CPVL: variants seen among roughly 807,000 people sequenced by gnomAD.
CPVL encodes the protein probable serine carboxypeptidase CPVL.
CPVL carries 51 observed loss-of-function variants against 63.7 expected under a neutral mutation model. That is an observed-to-expected ratio of 0.80 (90% CI 0.64 to 1.01). CPVL has a LOEUF of 1.01. Among genes scored for constraint, CPVL ranks in the 50% least tolerant of loss-of-function variants. The probability of loss-of-function intolerance (pLI) is 0.00; values close to 1 mark genes in which losing one functional copy is unlikely to be tolerated. For missense variants in CPVL, 530 were observed against 573.1 expected (o/e 0.92, Z 0.77); for synonymous variants, 195 against 206.0 (o/e 0.95, Z 0.46).
At position 29,041,875 on chromosome 7, in the gene CPVL, T is replaced by TTA. The variant is rs151056220; in HGVS notation, c.1138-11118_1138-11117dup. On this transcript the variant is annotated intron_variant, in intron 11 of 12. Coordinates refer to ENST00000265394, the MANE Select transcript of CPVL (RefSeq NM_031311.5). ...ATCAATTAAAATTAATATGATGACA[T>TTA]TATATATATATAGTGTTAAGGACAA... is the stretch of plus-strand genomic sequence containing the variant. Among the ~76,000 whole-genome samples, 56 of 151,952 alleles carry TTA rather than the reference T, an allele frequency of 3.7e-4. 1 individual carries two copies. Among genetic ancestry groups the TTA allele is most frequent in the African/African-American group, 1.3e-3 (52 of 41,462 alleles).
At chr7:29,077,342 G>A (rs190079539) in intron 7 of CPVL, among the ~76,000 whole-genome samples, 5 of 152,238 alleles carry the variant, frequency 3.3e-5, no homozygotes, top group Admixed American at 1.3e-4. Flanking sequence ...TCTCTGCCTT[G>A]CTTCTAGGTA....
At chr7:29,116,495 G>A (rs2128635284) in intron 2 of CPVL, among the ~76,000 whole-genome samples, 1 of 152,312 alleles carries the variant, frequency 6.6e-6, no homozygotes, top group East Asian at 1.9e-4. Context: ...TTTCTTTGAA[G>A]TGATTTTACT....
chr7:29,072,182 T>C, intron 8 of CPVL, 119 bp downstream of exon 8: 4 of 1,182,204 alleles, frequency 3.4e-6, no homozygotes, highest in Non-Finnish European at 3.6e-6. Flanking sequence ...ATTTAAGTCA[T>C]AAAGTCAACT....
chr7:29,041,228 T>G, intron 11 of CPVL, among the ~76,000 whole-genome samples: 1 of 149,386 alleles, frequency 6.7e-6, no homozygotes. Context: ...GCCTCCCGGG[T>G]TTACACCTGG....
chr7:29,004,040 T>A (rs538095024), intron 12 of CPVL, among the ~76,000 whole-genome samples: 1 of 152,222 alleles, frequency 6.6e-6, no homozygotes, highest in South Asian at 2.1e-4. Context: ...CTTTTATATC[T>A]GGACAATGGT....
chr7:29,088,713 G>A (rs180755908), intron 6 of CPVL, among the ~76,000 whole-genome samples: 38 of 152,180 alleles, frequency 2.5e-4, no homozygotes, highest in African/African-American at 6.5e-4. Flanking sequence ...ATAAGTGGCC[G>A]GGCGCGGTGG....
At chr7:29,173,150 T>C (rs1426393247) in intron 5 of CPVL, among the ~76,000 whole-genome samples, 8 of 146,216 alleles carry the variant, frequency 5.5e-5, no homozygotes, top group African/African-American at 1.0e-4. Context: ...AAAAAAAAGC[T>C]GGATGAGATA....
chr7:29,031,072 A>G (rs1787976669), intron 11 of CPVL, among the ~76,000 whole-genome samples: 1 of 152,210 alleles, frequency 6.6e-6, no homozygotes, highest in Non-Finnish European at 1.5e-5. Context: ...CTGTGGTTAC[A>G]TTTTAGTGGA....
At chr7:29,144,939 G>A (rs534212203) in intron 1 of CPVL, among the ~76,000 whole-genome samples, 1 of 152,030 alleles carries the variant, frequency 6.6e-6, no homozygotes, top group Admixed American at 6.6e-5. Flanking sequence ...TAAATTGGGG[G>A]ATCAATTGCC....
At position 29,156,160 on chromosome 7, in the gene CPVL, A is replaced by G. The variant is rs377202374; in HGVS notation, c.-11+25130T>C. ...TATATTTACTTTTGAGTTTTTTGAC[A>G]TTCAGGTCTATCTTCCATTCCCCCA... On this transcript the variant is annotated intron_variant, in intron 5 of 16. Coordinates refer to the CPVL transcript ENST00000409850. Among the ~76,000 whole-genome samples, 70 of 152,300 alleles carry G rather than the reference A, an allele frequency of 4.6e-4. 2 individuals carry two copies. The highest frequency in any genetic ancestry group is 1.6e-3 in the African/African-American group (68 of 41,552).
chr7:29,188,520 C>T (rs1200537767), intron 1 of CPVL, among the ~76,000 whole-genome samples: 1 of 151,902 alleles, frequency 6.6e-6, no homozygotes, highest in African/African-American at 2.4e-5. Context: ...CCCATTTACT[C>T]TCCTTTTTTT....
intron 9 of CPVL, among the ~76,000 whole-genome samples, chr7:29,070,199 G>T (rs565640259): frequency 2.8e-4 from 43 of 152,286 alleles, no homozygotes; most frequent in African/African-American, 9.9e-4. Flanking sequence ...GACGTATCCG[G>T]TTTGGGAGAG....
At position 29,128,458 on chromosome 7, in the gene CPVL, G is replaced by A. The variant is rs183765541; in HGVS notation, c.-10-7387C>T. 1.6e-3 allele frequency among the ~76,000 whole-genome samples: 249 copies of A among 152,192 alleles called. 1 individual carries two copies. The highest frequency in any genetic ancestry group is 5.9e-3 in the African/African-American group (244 of 41,550). On this transcript the variant is annotated intron_variant, in intron 1 of 12. Transcript: ENST00000265394. ...GGGCCCGGCATGATGGCTTATGCCT[G>A]TAATCCCAGCACTTTGGGAGGCCAA...
intron 2 of CPVL, among the ~76,000 whole-genome samples, chr7:29,117,580 A>G (rs1446779265): frequency 6.6e-6 from 1 of 152,208 alleles, no homozygotes; most frequent in Non-Finnish European, 1.5e-5. Context: ...AGAGCTGCTC[A>G]TATAGCATAG....
At chr7:29,109,074 A>G (rs1402709563) in intron 3 of CPVL, among the ~76,000 whole-genome samples, 1 of 152,232 alleles carries the variant, frequency 6.6e-6, no homozygotes, top group Non-Finnish European at 1.5e-5. Flanking sequence ...TAAGGATTAG[A>G]TAAGAAAATG....
intron 11 of CPVL, among the ~76,000 whole-genome samples, chr7:29,041,126 ATTTTT>A (rs1191228187): frequency 1.7e-4 from 18 of 104,910 alleles, no homozygotes; most frequent in African/African-American, 5.4e-4. Flanking sequence ...CAATAACTGG[ATTTTT>A]TTTTTTTTTT....
intron 7 of CPVL, among the ~76,000 whole-genome samples, chr7:29,078,849 T>C (rs1056762416): frequency 6.6e-6 from 1 of 152,212 alleles, no homozygotes; most frequent in African/African-American, 2.4e-5. Flanking sequence ...TAAACCCTGA[T>C]TTTTGTAATA....
intron 11 of CPVL, among the ~76,000 whole-genome samples, chr7:29,032,836 T>C (rs1295971932): frequency 1.3e-5 from 2 of 152,232 alleles, no homozygotes; most frequent in Non-Finnish European, 2.9e-5. Context: ...TTTTCATCCT[T>C]AAGGGACAAT....
At chr7:29,160,634 C>A (rs1031079069) in intron 5 of CPVL, among the ~76,000 whole-genome samples, 1 of 152,160 alleles carries the variant, frequency 6.6e-6, no homozygotes, top group South Asian at 2.1e-4. Context: ...CTAACCCCAG[C>A]ACCTTGACTC....
Sources: allele counts gnomAD v4.1 joint callset (sites outside exome capture counted in the v4.1 genomes callset), GRCh38; gene constraint gnomAD v4.1.1; transcripts MANE v1.5; gene names NCBI Gene and HGNC (gene_info 2026-07-23, HGNC 2026-07-21).